Variants in PRKG1 observed in about 807,000 individuals in gnomAD.
PRKG1 encodes the protein protein kinase cGMP-dependent 1.
PRKG1 carries 35 observed loss-of-function variants against 88.1 expected under a neutral mutation model. That is an observed-to-expected ratio of 0.40 (90% confidence interval 0.30 to 0.53). The LOEUF (loss-of-function observed/expected upper bound fraction) is 0.53, where lower values mean the gene tolerates loss of function less well. Ranked by LOEUF, PRKG1 falls within the 20% of genes least tolerant of loss-of-function variation. The pLI, the probability that PRKG1 is intolerant of heterozygous loss-of-function variation, is 0.59. For synonymous variants in PRKG1, 303 were observed against 292.5 expected (o/e 1.04, Z -0.37); for missense variants, 540 against 839.8 (o/e 0.64, Z 4.41).
intron 4 of PRKG1, among the ~76,000 whole-genome samples, chr10:51,882,885 G>T (rs1841471961): frequency 6.6e-6 from 1 of 152,180 alleles, no homozygotes; most frequent in South Asian, 2.1e-4. Context: ...TGTTCTCAGT[G>T]TACTATCATG....
chr10:51,518,977 C>G (rs562592764), intron 3 of PRKG1, among the ~76,000 whole-genome samples: 7 of 152,202 alleles, frequency 4.6e-5, no homozygotes, highest in African/African-American at 1.4e-4. Context: ...TAAGTTAGAG[C>G]CTTTATGTGA....
chr10:51,995,636 G>C (rs1692771668), intron 5 of PRKG1, among the ~76,000 whole-genome samples: 1 of 152,044 alleles, frequency 6.6e-6, no homozygotes, highest in South Asian at 2.1e-4. Context: ...ATAAAGGAAA[G>C]AAAGTGCAGT....
intron 2 of PRKG1, among the ~76,000 whole-genome samples, chr10:51,425,931 C>A (rs747179887): frequency 6.6e-6 from 1 of 152,094 alleles, no homozygotes; most frequent in African/African-American, 2.4e-5. Context: ...CAAGATAAAT[C>A]TGCATTTAAA....
At chr10:51,378,710 T>C (rs1422636140) in intron 2 of PRKG1, among the ~76,000 whole-genome samples, 5 of 152,184 alleles carry the variant, frequency 3.3e-5, no homozygotes, top group African/African-American at 1.2e-4. Flanking sequence ...GCACTGCTGC[T>C]ATGACCTGTG....
At chr10:51,891,082 T>G (rs1290938535) in intron 4 of PRKG1, among the ~76,000 whole-genome samples, 1 of 134,196 alleles carries the variant, frequency 7.5e-6, no homozygotes, top group Non-Finnish European at 1.6e-5. Context: ...GGCAACATAC[T>G]GAAACCCATC....
intron 2 of PRKG1, among the ~76,000 whole-genome samples, chr10:51,197,862 A>G (rs558541649): frequency 7.8e-4 from 117 of 150,864 alleles, no homozygotes; most frequent in African/African-American, 2.8e-3. Context: ...AATTGCAGAA[A>G]CCAGAATTAC....
chr10:51,312,783 T>C lies in PRKG1; in HGVS notation c.479-154940T>C, dbSNP rs1398880469. On this transcript the variant is annotated intron_variant, in intron 2 of 17. Transcript: ENST00000373980. ...GAATGAACCTTCACAAATATACTATTTCCAGTCCCCAAGTAGTGGGGTACA... is the reference window on the plus strand; with the variant it reads ...GAATGAACCTTCACAAATATACTATCTCCAGTCCCCAAGTAGTGGGGTACA... Among the ~76,000 whole-genome samples the C allele has an allele frequency of 2.6e-5, 4 of 152,072 alleles. No individual in the cohort carries two copies. The South Asian group carries it at 6.2e-4, about 24-fold the overall frequency.
chr10:52,279,073 T>C (rs1222124095), intron 12 of PRKG1, among the ~76,000 whole-genome samples: 2 of 152,184 alleles, frequency 1.3e-5, no homozygotes, highest in African/African-American at 4.8e-5. Flanking sequence ...ACACAGATGC[T>C]TACTCTTTAA....
chr10:52,113,371 GATGGATGGATGGATAGATGA>G (rs1847611629), intron 7 of PRKG1, among the ~76,000 whole-genome samples: 1 of 151,976 alleles, frequency 6.6e-6, no homozygotes, highest in African/African-American at 2.4e-5. Flanking sequence ...TGGATGAATG[GATGGATGGATGGATAGATGA>G]ATGGATGGAT....
intron 1 of PRKG1, among the ~76,000 whole-genome samples, chr10:51,056,672 T>C (rs1843629695): frequency 2.0e-5 from 3 of 152,202 alleles, no homozygotes; most frequent in Non-Finnish European, 4.4e-5. Flanking sequence ...TTGCTGAAAC[T>C]GTAGCTACCT....
chr10:51,088,406 T>TG (rs1844309434), intron 1 of PRKG1, among the ~76,000 whole-genome samples: 1 of 151,894 alleles, frequency 6.6e-6, no homozygotes, highest in Non-Finnish European at 1.5e-5. Flanking sequence ...TTTTTTTTTT[T>TG]TTGGTTCAAT....
chr10:51,335,461 T>G (rs1248995162), intron 2 of PRKG1, among the ~76,000 whole-genome samples: 1 of 152,206 alleles, frequency 6.6e-6, no homozygotes, highest in Non-Finnish European at 1.5e-5. Flanking sequence ...TCTGTCCCAT[T>G]ACAAGCTAGT....
chr10:51,582,068 G>A (rs1838053976), intron 3 of PRKG1, among the ~76,000 whole-genome samples: 1 of 152,094 alleles, frequency 6.6e-6, no homozygotes, highest in East Asian at 1.9e-4. Flanking sequence ...GTTCAGGTAA[G>A]TTCTTAAATT....
At chr10:52,264,489 C>T (rs1404186572) in intron 10 of PRKG1, among the ~76,000 whole-genome samples, 8 of 151,528 alleles carry the variant, frequency 5.3e-5, no homozygotes, top group Non-Finnish European at 1.2e-4. Context: ...TTATATTAAA[C>T]GTGGGTTACT....
chr10:51,959,230 G>A (rs1027052375), intron 5 of PRKG1, among the ~76,000 whole-genome samples: 1 of 152,170 alleles, frequency 6.6e-6, no homozygotes, highest in South Asian at 2.1e-4. Context: ...TGTGAGAAAT[G>A]TGTACAAATA....
intron 2 of PRKG1, among the ~76,000 whole-genome samples, chr10:51,171,140 G>C (rs1449387124): frequency 6.6e-6 from 1 of 152,154 alleles, no homozygotes; most frequent in Non-Finnish European, 1.5e-5. Context: ...GAAATGGTAT[G>C]TGAGACACAG....
intron 3 of PRKG1, among the ~76,000 whole-genome samples, chr10:51,545,596 T>A (rs757783658): frequency 3.9e-5 from 6 of 152,244 alleles, no homozygotes; most frequent in South Asian, 4.1e-4. Flanking sequence ...AGCAAAGTAA[T>A]TCGTTTGAAT....
At chr10:51,187,500 G>T (rs1448597580) in intron 2 of PRKG1, among the ~76,000 whole-genome samples, 1 of 151,974 alleles carries the variant, frequency 6.6e-6, no homozygotes, top group African/African-American at 2.4e-5. Flanking sequence ...CAGACATTCA[G>T]ATTTTACCAT....
intron 3 of PRKG1, among the ~76,000 whole-genome samples, chr10:51,738,325 G>A (rs1837344354): frequency 6.6e-6 from 1 of 152,126 alleles, no homozygotes; most frequent in South Asian, 2.1e-4. Context: ...TAGGATCCAT[G>A]TCTAGGAGAA....
Sources: gnomAD v4.1 joint callset for allele counts (sites outside exome capture counted in the v4.1 genomes callset) on GRCh38, gnomAD v4.1.1 for gene constraint, MANE v1.5 for transcripts, NCBI Gene and HGNC (gene_info 2026-07-23, HGNC 2026-07-21) for gene names.